The following MYO7A variants were observed in gnomAD, a reference collection of about 807,000 sequenced individuals.
The protein encoded by MYO7A is myosin VIIA, also known as unconventional myosin-VIIa.
MYO7A carries 210 observed loss-of-function variants against 263.8 expected under a neutral mutation model. That is an observed-to-expected ratio of 0.80 (90% CI 0.71 to 0.89). The LOEUF is 0.89. Among genes scored for constraint, MYO7A ranks in the 40% least tolerant of loss-of-function variants. The probability of loss-of-function intolerance (pLI) is 0.00; values close to 1 mark genes in which losing one functional copy is unlikely to be tolerated. For synonymous variants in MYO7A, 1,239 were observed against 1,197.3 expected (o/e 1.03, Z -0.72); for missense variants, 2,820 against 2,968.3 (o/e 0.95, Z 1.16).
At chr11:77,199,073 C>G (rs909643870) in intron 34 of MYO7A, among the ~76,000 whole-genome samples, 1 of 152,206 alleles carries the variant, frequency 6.6e-6, no homozygotes, top group Admixed American at 6.5e-5. Flanking sequence ...GATTGACTGG[C>G]TTTCCCAGCA....
rs41298749 is a variant in MYO7A at position 77,201,418 on chromosome 11, C to A, written c.4853-30C>A. ...TGTTCCAACTCAGCCTGTCTCTGCC[C>A]CCATGGTCCCACTCACCTCTGCTCT... On this transcript the variant is annotated intron_variant, in intron 35 of 48. Coordinates refer to ENST00000409709, the MANE Select transcript of MYO7A (RefSeq NM_000260.4). 2.3e-4 allele frequency: 367 copies of A among 1,599,036 alleles called. 1 individual carries two copies. Among genetic ancestry groups the A allele is most frequent in the Admixed American group, 5.9e-4 (34 of 57,976 alleles).
intron 45 of MYO7A, 46 bp from the exon 46 acceptor site, chr11:77,211,775 C>T (rs1591508348): frequency 6.7e-7 from 1 of 1,497,870 alleles, no homozygotes; most frequent in Non-Finnish European, 9.3e-7. Context: ...CCTGAGCAGG[C>T]CTGTCCCCAG....
chr11:77,212,031 G>T, intron 46 of MYO7A, 94 bp downstream of exon 46: 2 of 1,069,106 alleles, frequency 1.9e-6, no homozygotes. Context: ...AAGAGCCATG[G>T]CCTTGGACAC....
intron 5 of MYO7A, 100 bp from the exon 6 acceptor site, chr11:77,156,560 C>A: frequency 6.5e-7 from 1 of 1,537,940 alleles, no homozygotes; most frequent in Non-Finnish European, 8.9e-7. Context: ...GCTGATATTA[C>A]AGATGGGGGA....
At chr11:77,175,657 A>G (rs1223964912) in intron 18 of MYO7A, among the ~76,000 whole-genome samples, 193 bp downstream of exon 18, 3 of 152,166 alleles carry the variant, frequency 2.0e-5, no homozygotes, top group Non-Finnish European at 2.9e-5. Context: ...GAGATCATCT[A>G]CAACCTGGGA....
rs766671559 is a variant in MYO7A, at chr11:77,211,217, G to A, written c.6117G>A (p.Ala2039=). The A allele has an allele frequency of 1.4e-5, 23 of 1,591,490 alleles. No homozygotes were observed. The highest frequency in any genetic ancestry group is 5.8e-5 in the South Asian group (5 of 86,828). The part of the protein sequence containing the change: ...CTREEVLQLG[A]LIYRVKFEED... ...GGGAGGAGGTGCTGCAGCTGGGGGC[G>A]CTGATCTACAGGGTCAAGTTCGAGG... Residue 2039 remains alanine, a synonymous_variant, in exon 45 of 49, where the codon GCG becomes GCA. Coordinates refer to ENST00000409709, the MANE Select transcript of MYO7A (RefSeq NM_000260.4).
chr11:77,172,135 C>T (rs1359725240), intron 15 of MYO7A, among the ~76,000 whole-genome samples: 1 of 152,172 alleles, frequency 6.6e-6, no homozygotes, highest in East Asian at 1.9e-4. Context: ...CCACAGGTTT[C>T]CAGAAGGCGG....
chr11:77,131,256 G>C (rs2135525153), intron 2 of MYO7A, among the ~76,000 whole-genome samples: 1 of 152,338 alleles, frequency 6.6e-6, no homozygotes, highest in South Asian at 2.1e-4. Flanking sequence ...CCTGAGCCAG[G>C]TGGGCCTGGC....
At position 77,172,813 on chromosome 11, in the gene MYO7A, G is replaced by T. The variant is rs1555077152; in HGVS notation, c.1863G>T (p.Leu621=). ...SSQFKRSLEL[L]MRTLGACQPF... is the part of the protein sequence containing the mutation. ...AGTTCAAGCGGTCACTGGAGCTGCT[G>T]ATGCGCACGCTGGGTGCCTGCCAGC... Residue 621 remains leucine, a synonymous_variant, in exon 16 of 49, where the codon CTG becomes CTT. Coordinates refer to ENST00000409709, the MANE Select transcript of MYO7A (RefSeq NM_000260.4). 1 of 1,554,550 alleles carries T rather than the reference G, an allele frequency of 6.4e-7. No individual in the cohort carries two copies. The highest frequency in any genetic ancestry group is 8.7e-7 in the Non-Finnish European group (1 of 1,148,984).
Position 77,199,637 on chromosome 11 carries a change from T to C in MYO7A, c.4671T>C (p.Cys1557=), listed in dbSNP as rs1400459047. Residue 1557 remains cysteine, a synonymous_variant, in exon 35 of 49, where the codon TGT becomes TGC. Coordinates refer to ENST00000409709, the MANE Select transcript of MYO7A (RefSeq NM_000260.4). ...CCCCGGCGGGGCCCTGTTCTCCGTG[T>C]TGGTCCTGCAGGGGAGCGAAAACGA... ...GLTPAGPCSP[C]WSCRGAKTTA... The C allele has an allele frequency of 3.1e-6, 5 of 1,611,312 alleles. No homozygotes were observed. In the African/African-American group the frequency reaches 6.7e-5, roughly 22 times the overall value.
At chr11:77,135,397 A>C (rs1555047108) in intron 2 of MYO7A, among the ~76,000 whole-genome samples, 1 of 152,182 alleles carries the variant, frequency 6.6e-6, no homozygotes, top group Non-Finnish European at 1.5e-5. Flanking sequence ...CATGTGTCAG[A>C]ATTTCCTTCC....
At chr11:77,130,513 C>A in intron 1 of MYO7A, 76 bp from the exon 2 acceptor site, 1 of 1,161,868 alleles carries the variant, frequency 8.6e-7, no homozygotes, top group Non-Finnish European at 1.2e-6. Context: ...TGGGAGGAGC[C>A]CAGGTGACCC....
In MYO7A at chr11:77,192,056, C is replaced by G; in HGVS notation, c.3930C>G (p.Ser1310=). Residue 1310 remains serine (S), a synonymous_variant, in exon 31 of 49, where the codon TCC becomes TCG. Coordinates refer to ENST00000409709, the MANE Select transcript of MYO7A (RefSeq NM_000260.4). ...SLYIALFDKV[S]SLGSGSDHVM... is the part of the protein sequence containing the mutation. The stretch of plus-strand genomic sequence containing the variant: ...CCTCCCCTCTGTGCCCACAGGTGTC[C>G]TCCCTGGGCAGCGGCAGTGACCACG... 1.2e-6 allele frequency: 2 copies of G among 1,612,774 alleles called. No individual in the cohort carries two copies. The highest frequency in any genetic ancestry group is 2.7e-5 in the African/African-American group (2 of 75,062).
At position 77,162,180 on chromosome 11, in the gene MYO7A, C is replaced by T. The variant is rs782141665; in HGVS notation, c.1404C>T (p.His468=). 47 of 1,600,892 alleles carry T rather than the reference C, an allele frequency of 2.9e-5. No individual in the cohort carries two copies. Among genetic ancestry groups the T allele is most frequent in the East Asian group, 6.7e-5 (3 of 44,538 alleles). The change falls in exon 13 of 49, where the codon CAC becomes CAT. Residue 468 remains histidine (H), a synonymous_variant. Coordinates refer to ENST00000409709, the MANE Select transcript of MYO7A (RefSeq NM_000260.4). ...NEHLQQFFVR[H]VFKLEQEEYD... ...ACCTGCAGCAGTTCTTTGTGCGGCA[C>T]GTGTTCAAGCTGGAGCAGGAGGAAT...
chr11:77,130,612 G>A lies in MYO7A; in HGVS notation c.-23G>A, dbSNP rs1555045780. 2 of 1,612,662 alleles carry A rather than the reference G, an allele frequency of 1.2e-6. No homozygotes were observed. The highest frequency in any genetic ancestry group is 1.7e-6 in the Non-Finnish European group (2 of 1,179,492). The stretch of plus-strand genomic sequence containing the variant: ...AGAACTGTGCCTGGCCCAGTGGGCA[G>A]CAGGAGCTCCTGACTTGGGACCATG... On this transcript the variant is annotated 5_prime_UTR_variant, in exon 2 of 49. Transcript: ENST00000409709.
chr11:77,164,390 T>C lies in MYO7A; in HGVS notation c.1690+1402T>C, dbSNP rs565742686. Among the ~76,000 whole-genome samples, 356 of 152,220 alleles carry C rather than the reference T, an allele frequency of 2.3e-3. 1 individual carries two copies. Among genetic ancestry groups the C allele is most frequent in the African/African-American group, 7.9e-3 (329 of 41,524 alleles). ...AACCCATAAATATCTATACCTACTA[T>C]GTACCACAAAAAATTAAAAATTAAT... On this transcript the variant is annotated intron_variant, in intron 14 of 48. Coordinates refer to ENST00000409709, the MANE Select transcript of MYO7A (RefSeq NM_000260.4).
At position 77,172,821 on chromosome 11, in the gene MYO7A, C is replaced by G. The variant is rs953533173; in HGVS notation, c.1871C>G (p.Thr624Arg). ...FKRSLELLMR[T>R]LGACQPFFVR... The stretch of plus-strand genomic sequence containing the variant: ...CGGTCACTGGAGCTGCTGATGCGCA[C>G]GCTGGGTGCCTGCCAGCCCTTCTTT... The change falls in exon 16 of 49, where the codon ACG becomes AGG. Residue 624 changes from threonine to arginine, a missense_variant. Physicochemically the swap from Thr to Arg is moderately conservative, Grantham distance 71. Transcript: ENST00000409709. 3 of 1,553,058 alleles carry G rather than the reference C, an allele frequency of 1.9e-6. No homozygotes were observed. In the African/African-American group the frequency reaches 4.1e-5, roughly 21 times the overall value.
intron 9 of MYO7A, 40 bp from the exon 10 acceptor site, chr11:77,159,407 A>ACCCCCCCCC: frequency 1.6e-5 from 7 of 426,926 alleles, no homozygotes; most frequent in South Asian, 5.6e-5. Context: ...CCTGTTGCCC[A>ACCCCCCCCC]CCCTCCCTCC....
intron 43 of MYO7A, 53 bp from the exon 44 acceptor site, chr11:77,208,644 G>T (rs775159490): frequency 6.0e-6 from 9 of 1,511,592 alleles, no homozygotes; most frequent in Admixed American, 1.9e-5. Flanking sequence ...CTCGGGACGT[G>T]AGCACTCCTC....
Sources: gnomAD v4.1 joint callset for allele counts (sites outside exome capture counted in the v4.1 genomes callset) on GRCh38, gnomAD v4.1.1 for gene constraint, MANE v1.5 for transcripts, NCBI Gene and HGNC (gene_info 2026-07-23, HGNC 2026-07-21) for gene names.